CNTN5: variants seen among roughly 807,000 people sequenced by gnomAD.
CNTN5 encodes the protein contactin 5.
A neutral mutation model predicts 129.1 loss-of-function variants in CNTN5; 77 were observed. That is an observed-to-expected ratio of 0.60 (90% CI 0.50 to 0.72). The LOEUF is 0.72. Among genes scored for constraint, CNTN5 ranks in the 30% least tolerant of loss-of-function variants. CNTN5 has a pLI of 0.00. For missense variants in CNTN5, 1,478 were observed against 1,328.8 expected, an observed-to-expected ratio of 1.11 and a Z score of -1.75; for synonymous variants, 509 against 465.6, an observed-to-expected ratio of 1.09 and a Z score of -1.20.
chr11:99,933,032 G>T (rs1314200503), intron 7 of CNTN5, among the ~76,000 whole-genome samples: 1 of 152,112 alleles, frequency 6.6e-6, no homozygotes, highest in Non-Finnish European at 1.5e-5. Flanking sequence ...TCAGGTACTT[G>T]ATAACTACTG....
chr11:99,153,014 G>T (rs1254246376), intron 1 of CNTN5, among the ~76,000 whole-genome samples: 1 of 152,154 alleles, frequency 6.6e-6, no homozygotes, highest in Non-Finnish European at 1.5e-5. Flanking sequence ...AAGTTCTGCT[G>T]TTAGCCTGGT....
At chr11:99,959,253 C>T (rs1241366240) in intron 8 of CNTN5, among the ~76,000 whole-genome samples, 3 of 152,144 alleles carry the variant, frequency 2.0e-5, no homozygotes, top group African/African-American at 7.2e-5. Flanking sequence ...CATTGCCATT[C>T]AATCCCAAGT....
intron 7 of CNTN5, among the ~76,000 whole-genome samples, chr11:99,934,106 G>A (rs1441695438): frequency 6.6e-6 from 1 of 152,152 alleles, no homozygotes; most frequent in Non-Finnish European, 1.5e-5. Context: ...TGAAATATAT[G>A]TTTTTCTTCT....
chr11:100,005,974 C>G (rs1474928265), intron 9 of CNTN5, among the ~76,000 whole-genome samples: 1 of 151,922 alleles, frequency 6.6e-6, no homozygotes, highest in Non-Finnish European at 1.5e-5. Context: ...ACAGTCATTC[C>G]TTGGAGATAT....
intron 1 of CNTN5, among the ~76,000 whole-genome samples, chr11:99,188,127 A>G (rs577728993): frequency 4.4e-4 from 67 of 151,974 alleles, no homozygotes; most frequent in Non-Finnish European, 1.5e-4. Flanking sequence ...TTCTTTTTAT[A>G]GGTGATTAGT....
chr11:99,637,800 A>T (rs1350238145), intron 3 of CNTN5, among the ~76,000 whole-genome samples: 1 of 151,512 alleles, frequency 6.6e-6, no homozygotes, highest in Non-Finnish European at 1.5e-5. Context: ...TATTATCTAC[A>T]TATTATTTTA....
chr11:100,042,030 G>A (rs566214649), intron 9 of CNTN5, among the ~76,000 whole-genome samples: 1 of 152,216 alleles, frequency 6.6e-6, no homozygotes, highest in African/African-American at 2.4e-5. Flanking sequence ...CTAATCATTT[G>A]GAGACTGCGA....
intron 3 of CNTN5, among the ~76,000 whole-genome samples, chr11:99,659,895 T>A (rs550891616): frequency 1.3e-5 from 2 of 152,274 alleles, no homozygotes; most frequent in South Asian, 4.1e-4. Context: ...ATCTAGTAAT[T>A]ATTTAACTTT....
chr11:99,703,147 T>C (rs1161384883), intron 3 of CNTN5, among the ~76,000 whole-genome samples: 4 of 150,348 alleles, frequency 2.7e-5, no homozygotes, highest in Non-Finnish European at 6.0e-5. Context: ...TGCGTATTTA[T>C]AATCTTTGAG....
chr11:99,855,048 C>T (rs1376420469), intron 6 of CNTN5, among the ~76,000 whole-genome samples: 3 of 152,140 alleles, frequency 2.0e-5, no homozygotes, highest in Non-Finnish European at 4.4e-5. Flanking sequence ...GTGGCTCACA[C>T]CTCTAGTTGC....
intron 3 of CNTN5, among the ~76,000 whole-genome samples, chr11:99,802,352 T>A (rs1395717354): frequency 6.6e-6 from 1 of 152,116 alleles, no homozygotes; most frequent in Admixed American, 6.5e-5. Flanking sequence ...ACTGCCTGAT[T>A]AACTCTGGAG....
chr11:99,236,902 C>T (rs991801736), intron 1 of CNTN5, among the ~76,000 whole-genome samples: 1 of 151,758 alleles, frequency 6.6e-6, no homozygotes, highest in South Asian at 2.1e-4. Flanking sequence ...TATACTTATT[C>T]CAATAATATC....
chr11:99,475,137 G>T (rs1019768702), intron 2 of CNTN5, among the ~76,000 whole-genome samples: 2 of 150,712 alleles, frequency 1.3e-5, no homozygotes, highest in Non-Finnish European at 2.9e-5. Context: ...CCACCCTCAT[G>T]AATGTGGGAT....
At chr11:99,140,267 A>C (rs960617420) in intron 1 of CNTN5, among the ~76,000 whole-genome samples, 2 of 151,982 alleles carry the variant, frequency 1.3e-5, no homozygotes, top group African/African-American at 2.4e-5. Context: ...AACATGGGTA[A>C]ATTTTGTATC....
intron 4 of CNTN5, among the ~76,000 whole-genome samples, chr11:99,843,261 A>T (rs952947176): frequency 3.3e-5 from 5 of 152,182 alleles, no homozygotes; most frequent in African/African-American, 1.2e-4. Context: ...GTTATCTAGG[A>T]TTCAAAGAAA....
chr11:100,241,687 G>A (rs996780650), intron 16 of CNTN5, among the ~76,000 whole-genome samples: 2 of 152,130 alleles, frequency 1.3e-5, no homozygotes, highest in African/African-American at 4.8e-5. Context: ...AAATTTCTTT[G>A]TATAAGGCTT....
intron 3 of CNTN5, among the ~76,000 whole-genome samples, chr11:99,571,307 G>A (rs1373224903): frequency 1.6e-4 from 24 of 152,140 alleles, no homozygotes; most frequent in Non-Finnish European, 1.5e-5. Flanking sequence ...CAAATAAGGA[G>A]CTCACATAAT....
intron 1 of CNTN5, among the ~76,000 whole-genome samples, chr11:99,205,255 G>A (rs1859421298): frequency 6.6e-6 from 1 of 152,060 alleles, no homozygotes; most frequent in Non-Finnish European, 1.5e-5. Context: ...CCTGGAAAAG[G>A]AGAATTTCTT....
intron 1 of CNTN5, among the ~76,000 whole-genome samples, chr11:99,230,952 G>T (rs1458194644): frequency 6.6e-6 from 1 of 152,096 alleles, no homozygotes; most frequent in African/African-American, 2.4e-5. Flanking sequence ...GTGGCTTCCA[G>T]CTCCATCCAT....
Sources: gnomAD v4.1 joint callset for allele counts (sites outside exome capture counted in the v4.1 genomes callset) on GRCh38, gnomAD v4.1.1 for gene constraint, MANE v1.5 for transcripts, NCBI Gene and HGNC (gene_info 2026-07-23, HGNC 2026-07-21) for gene names.